Variants in DLC1 observed in about 807,000 individuals in gnomAD.
The protein encoded by DLC1 is DLC1 Rho GTPase activating protein.
Under a neutral mutation model 140.3 loss-of-function variants are expected in DLC1, and 54 were observed. The observed-to-expected ratio is 0.38, with a 90% CI of 0.31 to 0.48. DLC1 has a LOEUF of 0.48. Among genes scored for constraint, DLC1 ranks in the 20% least tolerant of loss-of-function variants. The pLI is 0.96. For synonymous variants in DLC1, 986 were observed against 728.1 expected, an observed-to-expected ratio of 1.35 and a Z score of -5.70; for missense variants, 2,536 against 1,907.0, an observed-to-expected ratio of 1.33 and a Z score of -6.14.
chr8:13,430,898 C>T (rs557126156), intron 2 of DLC1, among the ~76,000 whole-genome samples: 3 of 152,242 alleles, frequency 2.0e-5, no homozygotes, highest in Admixed American at 1.3e-4. Flanking sequence ...ATTCACAATA[C>T]ATTTTGAAGT....
intron 4 of DLC1, among the ~76,000 whole-genome samples, chr8:13,370,263 T>TA: frequency 6.6e-6 from 1 of 152,256 alleles, no homozygotes; most frequent in South Asian, 2.1e-4. Flanking sequence ...CTATAAGCTC[T>TA]AACAAAACAG....
At chr8:13,144,593 G>T (rs150982296) in intron 5 of DLC1, among the ~76,000 whole-genome samples, 4 of 151,950 alleles carry the variant, frequency 2.6e-5, no homozygotes, top group Admixed American at 6.6e-5. Flanking sequence ...GTGAAATCCC[G>T]CTTCTACTAA....
intron 1 of DLC1, among the ~76,000 whole-genome samples, chr8:13,553,999 T>C (rs903933275): frequency 1.3e-5 from 2 of 152,088 alleles, no homozygotes; most frequent in Non-Finnish European, 2.9e-5. Flanking sequence ...ACTTCTTGTT[T>C]TTCTAATAAT....
At chr8:13,132,657 CT>C (rs1822207989) in intron 5 of DLC1, among the ~76,000 whole-genome samples, 1 of 152,160 alleles carries the variant, frequency 6.6e-6, no homozygotes, top group African/African-American at 2.4e-5. Context: ...CAGGGCTTCC[CT>C]TCACGGGTTG....
intron 10 of DLC1, among the ~76,000 whole-genome samples, chr8:13,098,010 C>T (rs1473011118): frequency 1.4e-5 from 2 of 146,528 alleles, no homozygotes; most frequent in Non-Finnish European, 3.0e-5. Context: ...ACGGTGAAAC[C>T]CCATCTCTTC....
Position 13,088,555 on chromosome 8 carries a change from T to C in DLC1, c.4224A>G (p.Gln1408=). ...TTTGGACATACTGGTAAATTTCAGT[T>C]TGGCTGTCCAGAATTTCGATCACTT... is the stretch of plus-strand genomic sequence containing the variant. ...DSKVIEILDS[Q]TEIYQYVQNS... The change falls in exon 16 of 18, where the codon CAA becomes CAG. Residue 1408 remains glutamine, a synonymous_variant. Coordinates refer to ENST00000276297, the MANE Select transcript of DLC1 (RefSeq NM_182643.3). 6.2e-7 allele frequency: 1 copy of C among 1,614,190 alleles called. No individual in the cohort carries two copies. The highest frequency in any genetic ancestry group is 8.5e-7 in the Non-Finnish European group (1 of 1,180,026).
chr8:13,216,716 C>T (rs902404288), intron 5 of DLC1, among the ~76,000 whole-genome samples: 3 of 152,058 alleles, frequency 2.0e-5, no homozygotes, highest in African/African-American at 7.2e-5. Context: ...TCAACTGATT[C>T]TTTGTTGTGG....
At chr8:13,190,613 G>T in intron 5 of DLC1, among the ~76,000 whole-genome samples, 1 of 152,312 alleles carries the variant, frequency 6.6e-6, no homozygotes, top group East Asian at 1.9e-4. Context: ...TAATGAATTT[G>T]CAGGTACACA....
intron 1 of DLC1, among the ~76,000 whole-genome samples, chr8:13,539,421 C>G (rs533565596): frequency 6.6e-5 from 10 of 152,168 alleles, no homozygotes; most frequent in African/African-American, 2.4e-4. Flanking sequence ...AAGATGGTCT[C>G]AATCTCCTGA....
intron 2 of DLC1, among the ~76,000 whole-genome samples, chr8:13,463,041 T>C (rs1361489176): frequency 1.3e-5 from 2 of 152,108 alleles, no homozygotes; most frequent in African/African-American, 4.8e-5. Context: ...TGAAATATAT[T>C]GACTATCCAA....
At chr8:13,102,919 T>C in intron 7 of DLC1, 66 bp from the exon 8 acceptor site, 2 of 1,342,720 alleles carry the variant, frequency 1.5e-6, no homozygotes, top group South Asian at 2.4e-5. Context: ...GATAAACACC[T>C]GTTTTTAAAC....
At chr8:13,604,470 A>G (rs1379079745) in intron 1 of DLC1, 1 of 152,208 alleles carries the variant, frequency 6.6e-6, no homozygotes, top group African/African-American at 2.4e-5. Context: ...AACTACTAAC[A>G]TAATAATGCA....
At chr8:13,249,243 T>A (rs60585565) in intron 5 of DLC1, among the ~76,000 whole-genome samples, 35,448 of 151,680 alleles carry the variant, frequency 0.23, 4,320 homozygotes, top group South Asian at 0.34. Context: ...CATCTGACTA[T>A]TTGTTTTGTA....
chr8:13,454,004 A>C (rs1799274796), intron 2 of DLC1, among the ~76,000 whole-genome samples: 1 of 152,136 alleles, frequency 6.6e-6, no homozygotes, highest in South Asian at 2.1e-4. Context: ...AAGGCTGTAA[A>C]TCCTTCTCAT....
At chr8:13,587,763 A>G (rs1805381004) in intron 1 of DLC1, among the ~76,000 whole-genome samples, 1 of 151,860 alleles carries the variant, frequency 6.6e-6, no homozygotes. Context: ...CAGCAATCAG[A>G]GAACTAAAAT....
rs1188489218 is a variant in DLC1, at chr8:13,490,078, T to C, written c.1023+8971A>G. Among the ~76,000 whole-genome samples, 7 of 152,318 alleles carry C rather than the reference T, an allele frequency of 4.6e-5. No homozygotes were observed. In the East Asian group the frequency reaches 5.8e-4, roughly 13 times the overall value. The stretch of plus-strand genomic sequence containing the variant: ...CCCCCACTTTAGGTTGTGCTTTTTT[T>C]CCTCATTACAGCTTACTCCCTTGGC... On this transcript the variant is annotated intron_variant, in intron 2 of 17. Coordinates refer to ENST00000276297, the MANE Select transcript of DLC1 (RefSeq NM_182643.3).
intron 5 of DLC1, among the ~76,000 whole-genome samples, chr8:13,218,929 C>A (rs368410930): frequency 6.8e-5 from 2 of 29,294 alleles, no homozygotes; most frequent in African/African-American, 2.9e-4. Flanking sequence ...TATATAATTA[C>A]GTACGAATAT....
intron 4 of DLC1, among the ~76,000 whole-genome samples, chr8:13,354,616 C>T (rs1834834474): frequency 6.6e-6 from 1 of 152,036 alleles, no homozygotes; most frequent in African/African-American, 2.4e-5. Flanking sequence ...TAATACTTAG[C>T]TCATTGGTAA....
intron 2 of DLC1, among the ~76,000 whole-genome samples, chr8:13,421,325 C>A (rs1473483336): frequency 6.6e-6 from 1 of 152,022 alleles, no homozygotes; most frequent in Non-Finnish European, 1.5e-5. Flanking sequence ...TCTCTGCAAC[C>A]CCTAAAGTAC....
Sources: allele counts gnomAD v4.1 joint callset (sites outside exome capture counted in the v4.1 genomes callset), GRCh38; gene constraint gnomAD v4.1.1; transcripts MANE v1.5; gene names NCBI Gene and HGNC (gene_info 2026-07-23, HGNC 2026-07-21).